The following CDC42SE2 variants were observed in gnomAD, a reference collection of about 807,000 sequenced individuals.
CDC42SE2 encodes CDC42 small effector protein 2.
In CDC42SE2, 3 loss-of-function variants were observed where a neutral mutation model predicts 11.5. The ratio of observed to expected loss-of-function variants is 0.26; its 90% CI spans 0.12 to 0.67. CDC42SE2 has a LOEUF of 0.67. Ranked by LOEUF, CDC42SE2 falls within the 30% of genes least tolerant of loss-of-function variation. The pLI is 0.80. For missense variants in CDC42SE2, 82 were observed against 106.8 expected (o/e 0.77, Z 1.02); for synonymous variants, 33 against 34.8 (o/e 0.95, Z 0.18).
chr5:131,263,501 G>A (rs1358767545), upstream of CDC42SE2, among the ~76,000 whole-genome samples: 1 of 152,200 alleles, frequency 6.6e-6, no homozygotes, highest in Non-Finnish European at 1.5e-5. Context: ...AAACCAGGTG[G>A]TTTAGCCAGC....
chr5:131,314,179 C>G (rs1757991026), intron 1 of CDC42SE2, among the ~76,000 whole-genome samples: 1 of 150,114 alleles, frequency 6.7e-6, no homozygotes, highest in South Asian at 2.1e-4. Context: ...TTGATAATTT[C>G]TTCATAATTC....
chr5:131,264,116 C>T lies in CDC42SE2; in HGVS notation c.-505C>T, dbSNP rs865927119. 6.6e-6 allele frequency: 1 copy of T among 152,422 alleles called. No individual in the cohort carries two copies. Among genetic ancestry groups the T allele is most frequent in the East Asian group, 1.9e-4 (1 of 5,154 alleles). The allele number at this position is 152,422 out of a possible 1,614,324, so 9.4% of individuals were successfully genotyped here. A position where few individuals can be genotyped will look rare whatever the true frequency, so the allele number is the denominator to read the frequency against. On this transcript the variant is annotated 5_prime_UTR_variant, in exon 1 of 5. Transcript: ENST00000505065. ...GTTGGGGCGGCAGGAGCCGCGGAGC[C>T]GGCGCTGAGAGGGGCTGCGGCCGGA...
At position 131,378,912 on chromosome 5, in the gene CDC42SE2, T is replaced by C. The variant is rs1160035898; in HGVS notation, c.55-6631T>C. ...TCTAATGTTGAAGTTACAAATTATC[T>C]GAAGCTGGTAGTTCACTCAGTGTCA... On this transcript the variant is annotated intron_variant, in intron 3 of 4. Transcript: ENST00000505065. Among the ~76,000 whole-genome samples the C allele has an allele frequency of 2.6e-5, 4 of 152,244 alleles. No homozygotes were observed. The East Asian group carries it at 7.7e-4, about 29-fold the overall frequency.
At chr5:131,326,226 T>A (rs1758298715) in intron 2 of CDC42SE2, among the ~76,000 whole-genome samples, 3 of 151,926 alleles carry the variant, frequency 2.0e-5, no homozygotes, top group South Asian at 4.2e-4. Flanking sequence ...TGCCTCAGCC[T>A]CCAGAGTAGC....
chr5:131,358,611 C>T (rs985986782), intron 2 of CDC42SE2, among the ~76,000 whole-genome samples: 6 of 152,210 alleles, frequency 3.9e-5, no homozygotes, highest in East Asian at 1.9e-4. Context: ...GACTAACATG[C>T]GTTCTAGTAA....
intron 2 of CDC42SE2, among the ~76,000 whole-genome samples, chr5:131,356,018 G>T (rs780422979): frequency 6.6e-6 from 1 of 152,196 alleles, no homozygotes; most frequent in Non-Finnish European, 1.5e-5. Flanking sequence ...CACTAGCTAA[G>T]TCGCCTTGGA....
chr5:131,237,030 TA>T, the CDC42SE2 span, among the ~76,000 whole-genome samples: 1 of 152,220 alleles, frequency 6.6e-6, no homozygotes, highest in Admixed American at 6.5e-5. Context: ...AACTTTAAAA[TA>T]AGCTCATCTA....
At chr5:131,292,947 A>G (rs1255911578) in intron 1 of CDC42SE2, among the ~76,000 whole-genome samples, 2 of 150,120 alleles carry the variant, frequency 1.3e-5, no homozygotes, top group Non-Finnish European at 3.0e-5. Context: ...GAAACAAACT[A>G]TAATACAGCA....
At chr5:131,360,014 T>C (rs886311106) in intron 3 of CDC42SE2, among the ~76,000 whole-genome samples, 1 of 152,230 alleles carries the variant, frequency 6.6e-6, no homozygotes, top group Non-Finnish European at 1.5e-5. Flanking sequence ...CAAAGTCATA[T>C]AGCTTGTCAG....
At chr5:131,313,139 C>A (rs533554617) in intron 1 of CDC42SE2, among the ~76,000 whole-genome samples, 2 of 151,970 alleles carry the variant, frequency 1.3e-5, no homozygotes, top group East Asian at 1.9e-4. Context: ...CCTGCCACGA[C>A]GCCCGGCTGA....
At chr5:131,311,124 T>C (rs1183194998) in intron 1 of CDC42SE2, among the ~76,000 whole-genome samples, 2 of 152,162 alleles carry the variant, frequency 1.3e-5, no homozygotes, top group Non-Finnish European at 2.9e-5. Flanking sequence ...GGAGCTCTTT[T>C]AGGGCAGGCC....
upstream of CDC42SE2, among the ~76,000 whole-genome samples, chr5:131,245,314 T>C (rs924287553): frequency 2.6e-5 from 4 of 152,178 alleles, no homozygotes; most frequent in Non-Finnish European, 5.9e-5. Flanking sequence ...GATACTGTTC[T>C]GGGTACTGAC....
chr5:131,312,263 A>AG (rs1757937138), intron 1 of CDC42SE2, among the ~76,000 whole-genome samples: 1 of 151,812 alleles, frequency 6.6e-6, no homozygotes, highest in Non-Finnish European at 1.5e-5. Flanking sequence ...CTCGGGGGTT[A>AG]GGGGTCAGGG....
At chr5:131,222,695 C>T in the CDC42SE2 span, among the ~76,000 whole-genome samples, 2 of 152,154 alleles carry the variant, frequency 1.3e-5, no homozygotes, top group African/African-American at 4.8e-5. Flanking sequence ...ACTATCTGCT[C>T]CTTATGCAGT....
At chr5:131,344,168 A>G (rs1054793204) in intron 2 of CDC42SE2, among the ~76,000 whole-genome samples, 20 of 152,140 alleles carry the variant, frequency 1.3e-4, no homozygotes, top group Admixed American at 1.3e-3. Context: ...GGGGCTTGTC[A>G]GACAGTGGGT....
chr5:131,279,037 G>C (rs922144197), intron 1 of CDC42SE2, among the ~76,000 whole-genome samples: 1 of 151,590 alleles, frequency 6.6e-6, no homozygotes, highest in Admixed American at 6.6e-5. Context: ...CGCATGCCTC[G>C]ATCTCCCAAA....
At chr5:131,216,370 T>C in the CDC42SE2 span, among the ~76,000 whole-genome samples, 3 of 151,430 alleles carry the variant, frequency 2.0e-5, no homozygotes, top group South Asian at 6.3e-4. Flanking sequence ...GGCATGGTGG[T>C]GTGTGCCTGT....
chr5:131,384,500 T>A (rs1423851175), intron 3 of CDC42SE2, among the ~76,000 whole-genome samples: 7 of 152,192 alleles, frequency 4.6e-5, no homozygotes, highest in Admixed American at 4.6e-4. Flanking sequence ...AAGTATACTA[T>A]TGACAGTAAA....
chr5:131,276,867 A>T (rs1164229485), intron 1 of CDC42SE2, among the ~76,000 whole-genome samples: 1 of 151,950 alleles, frequency 6.6e-6, no homozygotes, highest in East Asian at 1.9e-4. Flanking sequence ...AGCTGGGATT[A>T]CAGGCATGCA....
Sources: allele counts gnomAD v4.1 joint callset (sites outside exome capture counted in the v4.1 genomes callset), GRCh38; gene constraint gnomAD v4.1.1; transcripts MANE v1.5; gene names NCBI Gene and HGNC (gene_info 2026-07-23, HGNC 2026-07-21).